The following GPHN variants were observed in gnomAD, a reference collection of about 807,000 sequenced individuals.
GPHN encodes the protein gephyrin.
GPHN carries 17 observed loss-of-function variants against 95.5 expected under a neutral mutation model. The ratio of observed to expected loss-of-function variants is 0.18; its 90% CI spans 0.12 to 0.27. GPHN has a LOEUF of 0.27. GPHN is among the 10% of genes least tolerant of loss of function. The pLI, the probability that GPHN is intolerant of heterozygous loss-of-function variation, is 1.00. For synonymous variants in GPHN, 320 were observed against 322.5 expected, an observed-to-expected ratio of 0.99 and a Z score of 0.08; for missense variants, 660 against 978.1, an observed-to-expected ratio of 0.67 and a Z score of 4.34.
chr14:67,646,845 C>T, the GPHN span: 11 of 1,380,640 alleles, frequency 8.0e-6, no homozygotes, highest in South Asian at 1.2e-4. Flanking sequence ...ACAACAAACC[C>T]ACCCTCTCCC....
chr14:66,785,537 A>C (rs944218035), intron 3 of GPHN, among the ~76,000 whole-genome samples: 3 of 152,084 alleles, frequency 2.0e-5, no homozygotes, highest in Non-Finnish European at 4.4e-5. Context: ...ATGTGTACCA[A>C]AAATTGAAAT....
At chr14:66,639,577 A>G (rs1046582686) in intron 1 of GPHN, among the ~76,000 whole-genome samples, 4 of 151,912 alleles carry the variant, frequency 2.6e-5, no homozygotes, top group South Asian at 2.1e-4. Context: ...ATAAAATTAC[A>G]TAGTCCATCT....
chr14:67,538,261 A>G, the GPHN span, among the ~76,000 whole-genome samples: 1 of 152,188 alleles, frequency 6.6e-6, no homozygotes, highest in African/African-American at 2.4e-5. Flanking sequence ...CATCATGGGA[A>G]GAGGACAATT....
chr14:67,479,621 G>C, the GPHN span, among the ~76,000 whole-genome samples: 8 of 152,080 alleles, frequency 5.3e-5, no homozygotes, highest in Non-Finnish European at 1.2e-4. Flanking sequence ...GGGAGGCTGA[G>C]GCAGGAGAAT....
the GPHN span, chr14:67,473,795 C>A: frequency 1.9e-6 from 3 of 1,613,954 alleles, no homozygotes; most frequent in Non-Finnish European, 2.5e-6. This position sits in a 1 kb window ranked among gnomAD's most constrained non-coding sequence, Gnocchi z 6.5. Flanking sequence ...CGCTCGTGAC[C>A]CCAGGGAACT....
At chr14:67,216,060 C>A in the GPHN span, among the ~76,000 whole-genome samples, 36 of 152,216 alleles carry the variant, frequency 2.4e-4, no homozygotes, top group Admixed American at 2.0e-3. Flanking sequence ...GAGTTCCACA[C>A]ACGCCTCCCA....
At chr14:67,499,081 T>C in the GPHN span, among the ~76,000 whole-genome samples, 3 of 151,962 alleles carry the variant, frequency 2.0e-5, no homozygotes, top group Non-Finnish European at 4.4e-5. Flanking sequence ...TAGGTCACCA[T>C]AAACTCAAAC....
At chr14:66,583,892 C>G (rs2140495825) in intron 1 of GPHN, among the ~76,000 whole-genome samples, 1 of 151,850 alleles carries the variant, frequency 6.6e-6, no homozygotes, top group East Asian at 1.9e-4. Flanking sequence ...TCCATATGAA[C>G]TTTAAAGTAG....
rs1187320498 is a variant in GPHN at position 67,098,093 on chromosome 14, T to A, written c.1238-2763T>A. ...CACCATCATGGCACATGTATACATA[T>A]GTAACAAACCTGCACGTTGTGCACA... is the stretch of plus-strand genomic sequence containing the variant. On this transcript the variant is annotated intron_variant, in intron 12 of 22. Coordinates refer to ENST00000478722, the MANE Select transcript of GPHN (RefSeq NM_020806.5). Among the ~76,000 whole-genome samples, 4 of 152,112 alleles carry A rather than the reference T, an allele frequency of 2.6e-5. No individual in the cohort carries two copies. The East Asian group carries it at 7.7e-4, about 29-fold the overall frequency.
At chr14:66,634,267 CTT>C (rs59274087) in intron 1 of GPHN, among the ~76,000 whole-genome samples, 2,524 of 151,114 alleles carry the variant, frequency 0.017, 70 homozygotes, top group African/African-American at 0.058. Flanking sequence ...TAAGGAAAGA[CTT>C]TTTCCTGTAG....
the GPHN span, among the ~76,000 whole-genome samples, chr14:67,534,794 A>G: frequency 1.3e-5 from 2 of 152,218 alleles, no homozygotes; most frequent in Non-Finnish European, 2.9e-5. Flanking sequence ...TGATAGAAAA[A>G]AAAAAATCCA....
the GPHN span, among the ~76,000 whole-genome samples, chr14:67,506,345 AG>A: frequency 6.6e-6 from 1 of 152,220 alleles, no homozygotes; most frequent in South Asian, 2.1e-4. Flanking sequence ...GACCAGGGAA[AG>A]AACTAATCCC....
the GPHN span, among the ~76,000 whole-genome samples, chr14:67,694,453 CACACACACACACATATATATATAT>C: frequency 1.1e-4 from 14 of 128,678 alleles, no homozygotes; most frequent in East Asian, 8.9e-4. Flanking sequence ...TATATATATA[CACACACACACACATATATATATAT>C]ACACACACAC....
At chr14:67,626,588 A>C in the GPHN span, among the ~76,000 whole-genome samples, 13,353 of 152,120 alleles carry the variant, frequency 0.088, 641 homozygotes, top group Middle Eastern at 0.18. Flanking sequence ...TCTCGGCCTC[A>C]GCCTTCTGAG....
intron 4 of GPHN, among the ~76,000 whole-genome samples, chr14:66,839,575 A>C (rs2061993275): frequency 6.6e-6 from 1 of 152,166 alleles, no homozygotes; most frequent in Non-Finnish European, 1.5e-5. Flanking sequence ...AACCAGAGAG[A>C]ATATAATTGT....
At chr14:67,121,432 A>G (rs749363472) in intron 16 of GPHN, among the ~76,000 whole-genome samples, 1 of 152,188 alleles carries the variant, frequency 6.6e-6, no homozygotes, top group African/African-American at 2.4e-5. Flanking sequence ...TTATCTGCAT[A>G]AACTGAATGT....
At chr14:67,412,298 T>C in the GPHN span, 13 of 436,578 alleles carry the variant, frequency 3.0e-5, no homozygotes, top group Admixed American at 1.8e-4. Context: ...CGGTGGTTGG[T>C]CCTCCAGGTA....
chr14:67,302,222 A>C, the GPHN span: 1 of 1,299,352 alleles, frequency 7.7e-7, no homozygotes. Context: ...GTATTTCTGA[A>C]GCAGAAAGTG....
At chr14:66,973,278 G>T (rs1226684974) in intron 9 of GPHN, among the ~76,000 whole-genome samples, 2 of 152,098 alleles carry the variant, frequency 1.3e-5, no homozygotes, top group African/African-American at 4.8e-5. Context: ...TAATCCTAGG[G>T]CAGGGAACAC....
Sources: gnomAD v4.1 joint callset for allele counts (sites outside exome capture counted in the v4.1 genomes callset) on GRCh38, gnomAD v4.1.1 for gene constraint, Gnocchi (gnomAD v3.1) non-coding constraint, MANE v1.5 for transcripts, NCBI Gene and HGNC (gene_info 2026-07-23, HGNC 2026-07-21) for gene names.